ELN: variants seen among roughly 807,000 people sequenced by gnomAD.
ELN encodes elastin.
In ELN, 65 loss-of-function variants were observed where a neutral mutation model predicts 105.8. The ratio of observed to expected loss-of-function variants is 0.61; its 90% CI spans 0.50 to 0.75. The LOEUF (loss-of-function observed/expected upper bound fraction) is 0.75, where lower values mean the gene tolerates loss of function less well. ELN is among the 30% of genes least tolerant of loss of function. The pLI is 0.00. For synonymous variants in ELN, 368 were observed against 389.2 expected (o/e 0.95, Z 0.64); for missense variants, 882 against 969.4 (o/e 0.91, Z 1.20).
intron 17 of ELN, chr7:74,052,194 C>T: frequency 1.6e-6 from 1 of 614,742 alleles, no homozygotes; most frequent in Non-Finnish European, 2.8e-6. Context: ...GGGGACCCTG[C>T]AGAGGGGACA....
At position 74,048,277 on chromosome 7, in the gene ELN, G is replaced by T. The variant is rs898306778; in HGVS notation, c.745+76G>T. 6.3e-5 allele frequency: 101 copies of T among 1,601,108 alleles called. 1 individual carries two copies. The highest frequency in any genetic ancestry group is 5.4e-4 in the South Asian group (49 of 90,818). Reference sequence around the variant, plus strand: ...GCTCCAGAGCCCTGGGGTGGGTGAGGTTCCCTCCTGAAAGCAGCAGCCCAC... The same window carrying T: ...GCTCCAGAGCCCTGGGGTGGGTGAGTTTCCCTCCTGAAAGCAGCAGCCCAC... On this transcript the variant is annotated intron_variant, in intron 14 of 32. Coordinates refer to ENST00000252034, the MANE Select transcript of ELN (RefSeq NM_000501.4).
At chr7:74,064,275 C>T (rs1431267777) in intron 29 of ELN, among the ~76,000 whole-genome samples, 9 of 151,702 alleles carry the variant, frequency 5.9e-5, no homozygotes, top group South Asian at 4.2e-4. Flanking sequence ...ATTAGCTGGG[C>T]GTGGTGGCAG....
At chr7:74,055,466 AT>A (rs1245890009) in intron 19 of ELN, among the ~76,000 whole-genome samples, 27 of 151,440 alleles carry the variant, frequency 1.8e-4, no homozygotes, top group South Asian at 6.3e-4. Flanking sequence ...AAAAATTTTA[AT>A]TTTTTTTTCT....
At position 74,068,886 on chromosome 7, in the gene ELN, A is replaced by T. The variant is rs1331789386; in HGVS notation, c.*186A>T. 93 of 688,042 alleles carry T rather than the reference A, an allele frequency of 1.4e-4. No individual in the cohort carries two copies. The highest frequency in any genetic ancestry group is 2.4e-4 in the Middle Eastern group (1 of 4,112). 42.6% of individuals were successfully genotyped at this position (688,042 alleles called of 1,614,324 possible). A position where few individuals can be genotyped will look rare whatever the true frequency, so the allele number is the denominator to read the frequency against. On this transcript the variant is annotated 3_prime_UTR_variant, in exon 33 of 33. Coordinates refer to ENST00000252034, the MANE Select transcript of ELN (RefSeq NM_000501.4). ...AAGAGGGGAGCGGCCAAGTGCCCCG[A>T]CCAGGAGGCCCCCTACTTCAGAGGC...
chr7:74,039,162 C>T (rs1211947266), intron 4 of ELN, among the ~76,000 whole-genome samples: 2 of 152,212 alleles, frequency 1.3e-5, no homozygotes, highest in Non-Finnish European at 2.9e-5. Context: ...TGTGGTTAAA[C>T]ACCAGAGGAA....
chr7:74,041,959 C>G (rs1554668737), intron 5 of ELN, among the ~76,000 whole-genome samples: 1 of 151,098 alleles, frequency 6.6e-6, no homozygotes, highest in Non-Finnish European at 1.5e-5. Flanking sequence ...AGGCTGGTCT[C>G]GAACTCCTGG....
At position 74,066,734 on chromosome 7, in the gene ELN, G is replaced by A. The variant is rs1554689580; in HGVS notation, c.2089G>A (p.Val697Met). 6.2e-6 allele frequency: 10 copies of A among 1,613,944 alleles called. No homozygotes were observed. The highest frequency in any genetic ancestry group is 4.4e-5 in the South Asian group (4 of 91,082). ...GGAGQFPLGGVAARPGFGLSP... is the reference protein window; with the variant it reads ...GGAGQFPLGGMAARPGFGLSP... ...CCAACCTGAAATCTCTCCTGCAGGA[G>A]TGGCAGCAAGACCTGGCTTCGGATT... The change falls in exon 32 of 33, where the codon GTG becomes ATG. Residue 697 changes from valine to methionine, a missense_variant and splice_region_variant. Transcript: ENST00000252034.
chr7:74,057,625 T>A lies in ELN; in HGVS notation c.1358-15T>A, dbSNP rs1279853686. The A allele has an allele frequency of 6.2e-7, 1 of 1,613,912 alleles. No homozygotes were observed. The highest frequency in any genetic ancestry group is 8.5e-7 in the Non-Finnish European group (1 of 1,179,992). ...TGAGAGATTACTCTCTCACCCCTTC[T>A]CTTCACACCTCCAGGAGTGGGGACC... On this transcript the variant is annotated splice_polypyrimidine_tract_variant and intron_variant, in intron 21 of 32. Transcript: ENST00000252034.
At chr7:74,052,664 C>T (rs567493635) in intron 17 of ELN, 34 of 115,828 alleles carry the variant, frequency 2.9e-4, no homozygotes, top group East Asian at 1.4e-3. Flanking sequence ...GAAGGAAAGA[C>T]GGAAGGAAGG....
chr7:74,067,601 G>GGTGGCGGGCACCTGTA (rs1798233201), intron 32 of ELN, among the ~76,000 whole-genome samples: 1 of 151,788 alleles, frequency 6.6e-6, no homozygotes, highest in Admixed American at 6.6e-5. Flanking sequence ...AGCCGGGCAT[G>GGTGGCGGGCACCTGTA]GTGGCGGGCA....
chr7:74,066,858 A>AGCCCTTCT, intron 32 of ELN, 82 bp downstream of exon 32: 1 of 1,491,016 alleles, frequency 6.7e-7, no homozygotes, highest in Non-Finnish European at 9.3e-7. Flanking sequence ...TCTCCTGCTC[A>AGCCCTTCT]GAAGGGCTGA....
chr7:74,051,586 G>C (rs1794044235), intron 15 of ELN, among the ~76,000 whole-genome samples, 164 bp from the exon 16 acceptor site: 1 of 152,196 alleles, frequency 6.6e-6, no homozygotes, highest in Admixed American at 6.5e-5. Flanking sequence ...TCAAGGAACA[G>C]TGGAGTGGGG....
At chr7:74,053,089 A>C (rs1554677247) in intron 17 of ELN, 74 bp from the exon 18 acceptor site, 2 of 1,610,122 alleles carry the variant, frequency 1.2e-6, no homozygotes, top group Non-Finnish European at 1.7e-6. Context: ...TGTCACTTCC[A>C]TACTCTACTA....
Position 74,051,836 on chromosome 7 carries a change from G to A in ELN, c.886G>A (p.Ala296Thr), listed in dbSNP as rs782335529. Reference protein sequence around the residue: ...PGAIPGIGGIAGVGTPAAAAA... With the variant: ...PGAIPGIGGITGVGTPAAAAA... ...GGCAATTCCTGGAATTGGAGGCATC[G>A]CAGGTAACATCTGTCCCAGCAGGGG... The change falls in exon 16 of 33, where the codon GCA (alanine) becomes ACA (threonine). Residue 296 changes from alanine (A) to threonine (T), a missense_variant. Physicochemically the swap from Ala to Thr is moderately conservative, Grantham distance 58. Transcript: ENST00000252034. 8.2e-5 allele frequency: 132 copies of A among 1,614,236 alleles called. No individual in the cohort carries two copies. In the East Asian group the frequency reaches 2.6e-3, roughly 31 times the overall value.
intron 26 of ELN, among the ~76,000 whole-genome samples, chr7:74,061,850 G>C (rs1796754456): frequency 2.0e-5 from 3 of 152,130 alleles, no homozygotes; most frequent in Admixed American, 2.0e-4. Flanking sequence ...ACAGTTACAT[G>C]GTCCCTGTGT....
chr7:74,061,543 T>A (rs1463744775), intron 26 of ELN, among the ~76,000 whole-genome samples: 1 of 151,998 alleles, frequency 6.6e-6, no homozygotes, highest in Admixed American at 6.6e-5. Flanking sequence ...TCCCAGCTAC[T>A]CGGGAGGCTG....
chr7:74,033,325 G>T (rs1288640992), intron 1 of ELN, among the ~76,000 whole-genome samples: 1 of 152,262 alleles, frequency 6.6e-6, no homozygotes, highest in African/African-American at 2.4e-5. Context: ...GGCACGTGAA[G>T]AATGAGGGAG....
At chr7:74,067,425 G>A (rs537693520) in intron 32 of ELN, among the ~76,000 whole-genome samples, 10 of 151,622 alleles carry the variant, frequency 6.6e-5, no homozygotes, top group South Asian at 2.1e-4. Context: ...ACACCACTAC[G>A]CCCAGCTAAT....
intron 31 of ELN, 117 bp downstream of exon 31, chr7:74,066,114 G>A (rs1451431857): frequency 7.0e-7 from 1 of 1,420,580 alleles, no homozygotes; most frequent in East Asian, 2.3e-5. Flanking sequence ...AGGAGACTGG[G>A]GCTGGTGAGG....
Sources: allele counts gnomAD v4.1 joint callset (sites outside exome capture counted in the v4.1 genomes callset), GRCh38; gene constraint gnomAD v4.1.1; transcripts MANE v1.5; gene names NCBI Gene and HGNC (gene_info 2026-07-23, HGNC 2026-07-21).